DYNC2H1: variants seen among roughly 807,000 people sequenced by gnomAD.
The protein encoded by DYNC2H1 is cytoplasmic dynein 2 heavy chain 1.
Under a neutral mutation model 570.0 loss-of-function variants are expected in DYNC2H1, and 410 were observed. The observed-to-expected ratio is 0.72, with a 90% CI of 0.66 to 0.78. The LOEUF (loss-of-function observed/expected upper bound fraction) is 0.78. Ranked by LOEUF, DYNC2H1 falls within the 30% of genes least tolerant of loss-of-function variation. The pLI is 0.00. For synonymous variants in DYNC2H1, 1,688 were observed against 1,677.6 expected (o/e 1.01, Z -0.15); for missense variants, 4,865 against 5,046.4 (o/e 0.96, Z 1.09).
chr11:103,187,670 A>G (rs1271174888), intron 43 of DYNC2H1, 84 bp downstream of exon 43: 2 of 1,492,604 alleles, frequency 1.3e-6, no homozygotes. Flanking sequence ...TTCATTCTTC[A>G]TTTGGGGCCA....
At chr11:103,350,318 ATTGT>A in intron 82 of DYNC2H1, among the ~76,000 whole-genome samples, 1 of 152,222 alleles carries the variant, frequency 6.6e-6, no homozygotes, top group East Asian at 1.9e-4. Context: ...AGTATTATAA[ATTGT>A]TTTTTTCTGC....
Position 103,235,747 on chromosome 11 carries a change from T to C in DYNC2H1, c.9643T>C (p.Ser3215Pro). 6.2e-7 allele frequency: 1 copy of C among 1,611,944 alleles called. No individual in the cohort carries two copies. The highest frequency in any genetic ancestry group is 1.1e-5 in the South Asian group (1 of 90,984). The change falls in exon 62 of 89, where the codon TCT (serine) becomes CCT (proline). Residue 3215 changes from serine to proline, a missense_variant. Around this residue, in one of 5 missense-constraint regions of DYNC2H1, gnomAD observed 2,401 missense variants for 2,454.6 expected, o/e 0.98. Transcript: ENST00000375735. Reference protein sequence around the residue: ...QLAAAFITYLSAAPESLRKTC... With the variant: ...QLAAAFITYLPAAPESLRKTC... ...TGCTGCTGCATTTATTACATATCTT[T>C]CTGCTGCTCCTGAATCTCTGAGAAA...
chr11:103,297,330 C>T (rs906799361), intron 75 of DYNC2H1, among the ~76,000 whole-genome samples: 50 of 152,032 alleles, frequency 3.3e-4, no homozygotes, highest in African/African-American at 1.2e-3. Context: ...TGTTGTTTAA[C>T]AAAAGTACAG....
rs561851770 is a variant in DYNC2H1 at position 103,170,887 on chromosome 11, G to A, written c.5153G>A (p.Gly1718Asp). ...RQVLVFNCDEGIDVKSMGRIF... is the reference protein window; with the variant it reads ...RQVLVFNCDEDIDVKSMGRIF... Reference sequence around the variant, plus strand: ...ATAATTTTTATTGTTGTTTTTAAGGGCATCGATGTGAAGTCAATGGGACGA... The same window carrying A: ...ATAATTTTTATTGTTGTTTTTAAGGACATCGATGTGAAGTCAATGGGACGA... Residue 1718 changes from glycine to aspartate, a missense_variant and splice_region_variant, in exon 34 of 89, where the codon GGC (glycine) becomes GAC (aspartate). Gly to Asp is a moderately conservative substitution (Grantham distance 94). Coordinates refer to ENST00000375735, the MANE Select transcript of DYNC2H1 (RefSeq NM_001377.3). The surrounding 1 kb of genome is among the most constrained non-coding windows in gnomAD (Gnocchi z 4.8). The A allele has an allele frequency of 2.0e-6, 3 of 1,488,598 alleles. No homozygotes were observed. Among genetic ancestry groups the A allele is most frequent in the South Asian group, 1.5e-5 (1 of 66,680 alleles). The allele number at this position is 1,488,598 out of a possible 1,614,324, so 92.2% of individuals were successfully genotyped here.
intron 63 of DYNC2H1, among the ~76,000 whole-genome samples, chr11:103,242,540 A>G (rs922929892): frequency 6.6e-6 from 1 of 152,218 alleles, no homozygotes; most frequent in African/African-American, 2.4e-5. Context: ...ACACAATTGC[A>G]TTACATTTTT....
At chr11:103,116,328 G>A (rs1285530781) in intron 4 of DYNC2H1, among the ~76,000 whole-genome samples, 1 of 152,092 alleles carries the variant, frequency 6.6e-6, no homozygotes, top group Non-Finnish European at 1.5e-5. Context: ...GGCCAATTGT[G>A]TAAATGAATG....
chr11:103,256,216 C>A lies in DYNC2H1; in HGVS notation c.10437C>A (p.Tyr3479Ter). The change falls in exon 68 of 89, where the codon TAC becomes TAA. Residue 3479 changes from tyrosine (Y) to a stop codon, truncating the protein, a stop_gained. Transcript: ENST00000375735. LOFTEE classifies it high-confidence loss of function. The surrounding 1 kb of genome is among the most constrained non-coding windows in gnomAD (Gnocchi z 4.0). ...TTCAAGAGTCACTTAAAGAATCTTA[C>A]AAACTCCAAATTTCCCTTGATCAAG... Reference protein sequence around the residue: ...ALIQESLKESYKLQISLDQER... With the variant: ...ALIQESLKES 1 of 1,602,108 alleles carries A rather than the reference C, an allele frequency of 6.2e-7. No homozygotes were observed. Among genetic ancestry groups the A allele is most frequent in the Non-Finnish European group, 8.5e-7 (1 of 1,175,462 alleles).
chr11:103,304,688 C>CTTG lies in DYNC2H1; in HGVS notation c.11352_11354dup (p.Val3786dup). On this transcript the variant is annotated inframe_insertion, in exon 77 of 89. Transcript: ENST00000375735. The stretch of plus-strand genomic sequence containing the variant: ...CTGGCTCTGTTTGAAGAACTTACAT[C>CTTG]TTGTGGTATCTTGGCTGCCAGTTCT... 6.2e-7 allele frequency: 1 copy of CTTG among 1,612,888 alleles called. No individual in the cohort carries two copies.
At chr11:103,435,739 T>C (rs1193560340) in intron 84 of DYNC2H1, among the ~76,000 whole-genome samples, 1 of 152,150 alleles carries the variant, frequency 6.6e-6, no homozygotes, top group Non-Finnish European at 1.5e-5. Context: ...CTTGTTATTC[T>C]TTCAGGAACT....
Position 103,243,903 on chromosome 11 carries a change from G to A in DYNC2H1, c.9918+112G>A. On this transcript the variant is annotated intron_variant, in intron 64 of 88. Coordinates refer to ENST00000375735, the MANE Select transcript of DYNC2H1 (RefSeq NM_001377.3). The surrounding 1 kb of genome is among the most constrained non-coding windows in gnomAD (Gnocchi z 4.8). ...TTCAACACTGGGTCCTACTGTATGG[G>A]ACCTTGGGCGAGAGATATAACTCTT... The A allele has an allele frequency of 1.5e-6, 1 of 658,020 alleles. No individual in the cohort carries two copies. Among genetic ancestry groups the A allele is most frequent in the South Asian group, 3.2e-5 (1 of 30,968 alleles). 40.8% of individuals were successfully genotyped at this position (658,020 alleles called of 1,614,324 possible).
intron 39 of DYNC2H1, among the ~76,000 whole-genome samples, 192 bp downstream of exon 39, chr11:103,179,425 T>A (rs1861759966): frequency 6.6e-6 from 1 of 151,750 alleles, no homozygotes; most frequent in East Asian, 1.9e-4. Flanking sequence ...ATTTTAGGAG[T>A]TTTAGTTGTA....
chr11:103,416,761 C>T (rs1943298507), intron 84 of DYNC2H1, among the ~76,000 whole-genome samples: 1 of 150,782 alleles, frequency 6.6e-6, no homozygotes, highest in Admixed American at 6.7e-5. Flanking sequence ...AAAAGCAAGG[C>T]AACAAAAGCC....
chr11:103,227,781 A>G (rs1863856953), intron 59 of DYNC2H1, among the ~76,000 whole-genome samples: 1 of 152,136 alleles, frequency 6.6e-6, no homozygotes, highest in South Asian at 2.1e-4. Context: ...TCAGTGGAGT[A>G]TTAAAGTTTC....
chr11:103,212,318 G>C (rs943138088), intron 54 of DYNC2H1, among the ~76,000 whole-genome samples: 1 of 151,910 alleles, frequency 6.6e-6, no homozygotes, highest in Non-Finnish European at 1.5e-5. Context: ...GGTGGGGAGG[G>C]ATAAAAGGCA....
At chr11:103,182,784 G>A (rs1861905501) in intron 40 of DYNC2H1, among the ~76,000 whole-genome samples, 1 of 151,936 alleles carries the variant, frequency 6.6e-6, no homozygotes, top group Non-Finnish European at 1.5e-5. Context: ...GTATCTGATT[G>A]TGATTGTGAA....
At chr11:103,335,712 A>G (rs954410040) in intron 82 of DYNC2H1, among the ~76,000 whole-genome samples, 1 of 152,060 alleles carries the variant, frequency 6.6e-6, no homozygotes, top group African/African-American at 2.4e-5. Context: ...TATACAGTTC[A>G]TTAGTTTTTA....
At chr11:103,148,934 G>A (rs1860384028) in intron 20 of DYNC2H1, among the ~76,000 whole-genome samples, 1 of 152,158 alleles carries the variant, frequency 6.6e-6, no homozygotes, top group Non-Finnish European at 1.5e-5. Context: ...GTGGGTGCCT[G>A]TAATCCCAGC....
At chr11:103,118,138 CTT>C (rs1238291386) in intron 6 of DYNC2H1, among the ~76,000 whole-genome samples, 1 of 151,956 alleles carries the variant, frequency 6.6e-6, no homozygotes, top group Admixed American at 6.6e-5. Flanking sequence ...TTCAGGGGGT[CTT>C]TTGGCTATTG....
chr11:103,402,340 A>G (rs1942677880), intron 84 of DYNC2H1: 1 of 152,218 alleles, frequency 6.6e-6, no homozygotes, highest in South Asian at 2.1e-4. Flanking sequence ...AAATAGGATT[A>G]TTCCATATTG....
Sources: gnomAD v4.1 joint callset for allele counts (sites outside exome capture counted in the v4.1 genomes callset) on GRCh38, gnomAD v4.1.1 for gene constraint, gnomAD v4.1.1 regional missense constraint, Gnocchi (gnomAD v3.1) non-coding constraint, MANE v1.5 for transcripts, NCBI Gene and HGNC (gene_info 2026-07-23, HGNC 2026-07-21) for gene names.